PCDHA4: variants seen among roughly 807,000 people sequenced by gnomAD.
The protein encoded by PCDHA4 is protocadherin alpha-4.
Under a neutral mutation model 61.4 loss-of-function variants are expected in PCDHA4, and 49 were observed. The observed-to-expected ratio is 0.80, with a 90% CI of 0.63 to 1.01. The LOEUF (loss-of-function observed/expected upper bound fraction) is 1.01, where lower values mean the gene tolerates loss of function less well. PCDHA4 is among the 50% of genes least tolerant of loss of function. The pLI is 0.00. For missense variants in PCDHA4, 1,254 were observed against 1,235.8 expected, an observed-to-expected ratio of 1.01 and a Z score of -0.22; for synonymous variants, 590 against 550.3, an observed-to-expected ratio of 1.07 and a Z score of -1.01.
chr5:140,824,252 A>G (rs2150133638), intron 1 of PCDHA4: 1 of 1,373,244 alleles, frequency 7.3e-7, no homozygotes, highest in South Asian at 1.3e-5. Context: ...GTACACAATT[A>G]TTGCACTAAT....
chr5:140,998,195 A>C (rs1409926168), intron 3 of PCDHA4, among the ~76,000 whole-genome samples: 6 of 152,164 alleles, frequency 3.9e-5, no homozygotes, highest in African/African-American at 1.2e-4. Flanking sequence ...ACAAGTATTA[A>C]CTCCTTTAAT....
chr5:140,997,046 T>C (rs2097756944), intron 3 of PCDHA4, among the ~76,000 whole-genome samples: 1 of 152,176 alleles, frequency 6.6e-6, no homozygotes, highest in Admixed American at 6.5e-5. Flanking sequence ...AACTTTACTT[T>C]TTAGAGCAGT....
In PCDHA4 at chr5:140,830,600, A is replaced by G. The variant is rs1227931663; in HGVS notation, c.2385+21028A>G. ...TTTTTAATTAATTTTACAAAATTAC[A>G]TATTTTCATTTTATTGTGTTTCTTA... is the stretch of plus-strand genomic sequence containing the variant. On this transcript the variant is annotated intron_variant, in intron 1 of 3. Coordinates refer to ENST00000530339, the MANE Select transcript of PCDHA4 (RefSeq NM_018907.4). 1.8e-5 allele frequency: 12 copies of G among 670,896 alleles called. 1 individual carries two copies. Among genetic ancestry groups the G allele is most frequent in the East Asian group, 1.4e-4 (4 of 29,586 alleles). The allele number at this position is 670,896 out of a possible 1,614,324, so 41.6% of individuals were successfully genotyped here. A position where few individuals can be genotyped will look rare whatever the true frequency, so the allele number is the denominator to read the frequency against.
At chr5:140,880,173 C>T (rs2058257400) in intron 1 of PCDHA4, among the ~76,000 whole-genome samples, 1 of 152,006 alleles carries the variant, frequency 6.6e-6, no homozygotes, top group Non-Finnish European at 1.5e-5. Context: ...AGAAGTTAAA[C>T]ATGAAGGGAA....
chr5:140,990,621 G>A (rs75224471), intron 3 of PCDHA4, among the ~76,000 whole-genome samples: 1,861 of 152,288 alleles, frequency 0.012, 44 homozygotes, highest in African/African-American at 0.043. Context: ...GTAAAGGTCT[G>A]TGGTAAGACT....
chr5:140,882,918 G>A (rs1554176085), intron 1 of PCDHA4: 1 of 1,614,186 alleles, frequency 6.2e-7, no homozygotes, highest in South Asian at 1.1e-5. Context: ...GCCAGTGATG[G>A]AGGTAAACCC....
At chr5:140,925,383 T>C (rs1554202722) in intron 1 of PCDHA4, among the ~76,000 whole-genome samples, 2 of 152,140 alleles carry the variant, frequency 1.3e-5, no homozygotes, top group African/African-American at 2.4e-5. Flanking sequence ...TCAATGAGTC[T>C]CCTTTTGGCT....
At chr5:140,907,430 T>G (rs1554192988) in intron 1 of PCDHA4, among the ~76,000 whole-genome samples, 1 of 152,244 alleles carries the variant, frequency 6.6e-6, no homozygotes, top group Non-Finnish European at 1.5e-5. Context: ...TAAGGCATTC[T>G]GTGAGTCCAC....
chr5:140,936,760 T>G (rs2091134702), intron 1 of PCDHA4, among the ~76,000 whole-genome samples: 1 of 152,220 alleles, frequency 6.6e-6, no homozygotes, highest in African/African-American at 2.4e-5. Context: ...TGATATCTAA[T>G]TGTGTAAGTT....
At chr5:140,895,875 G>A (rs1277056649) in intron 1 of PCDHA4, among the ~76,000 whole-genome samples, 5 of 152,060 alleles carry the variant, frequency 3.3e-5, no homozygotes, top group African/African-American at 7.2e-5. Context: ...GCAATGGCGC[G>A]ATCTCGGCTC....
rs148102793 is a variant in PCDHA4 at position 140,873,087 on chromosome 5, G to A, written c.2385+63515G>A. Among the ~76,000 whole-genome samples, 818 of 152,138 alleles carry A rather than the reference G, an allele frequency of 5.4e-3. 4 individuals carry two copies. Among genetic ancestry groups the A allele is most frequent in the Middle Eastern group, 0.014 (4 of 294 alleles). On this transcript the variant is annotated intron_variant, in intron 1 of 3. Coordinates refer to ENST00000530339, the MANE Select transcript of PCDHA4 (RefSeq NM_018907.4). ...AATCATATCTAGCTATTTCCCCCCC[G>A]TATAGAGGCATAACATACCATTTGG...
In PCDHA4 at chr5:140,967,564, A is replaced by G. The variant is rs1554229677; in HGVS notation, c.2386-11385A>G. Reference sequence around the variant, plus strand: ...ACCAGTCCACTTATCGCGTCCAGCTACGGGAGGACTCACCCCCAGGCACAT... The same window carrying G: ...ACCAGTCCACTTATCGCGTCCAGCTGCGGGAGGACTCACCCCCAGGCACAT... On this transcript the variant is annotated intron_variant, in intron 1 of 3. Coordinates refer to ENST00000530339, the MANE Select transcript of PCDHA4 (RefSeq NM_018907.4). 10 of 1,614,070 alleles carry G rather than the reference A, an allele frequency of 6.2e-6. No individual in the cohort carries two copies. The Middle Eastern group carries it at 4.9e-4, about 80-fold the overall frequency.
intron 1 of PCDHA4, among the ~76,000 whole-genome samples, chr5:140,950,403 A>C (rs2094477208): frequency 6.6e-6 from 1 of 151,818 alleles, no homozygotes; most frequent in Admixed American, 6.6e-5. Flanking sequence ...ATTCTGGGGG[A>C]TTGACAGATT....
At chr5:140,903,616 T>C (rs1053634742) in intron 1 of PCDHA4, among the ~76,000 whole-genome samples, 72 of 152,338 alleles carry the variant, frequency 4.7e-4, no homozygotes, top group African/African-American at 1.7e-3. Context: ...CACATGAATG[T>C]GCATGCATAT....
At chr5:140,915,753 G>A (rs1196952771) in intron 1 of PCDHA4, among the ~76,000 whole-genome samples, 1 of 151,952 alleles carries the variant, frequency 6.6e-6, no homozygotes, top group Non-Finnish European at 1.5e-5. Context: ...AGCCAGCACA[G>A]CCCTGGGTCT....
intron 3 of PCDHA4, among the ~76,000 whole-genome samples, chr5:140,992,876 A>G (rs1370116402): frequency 6.6e-6 from 1 of 152,178 alleles, no homozygotes; most frequent in Admixed American, 6.5e-5. Flanking sequence ...CCTCCTTGAT[A>G]TTCTAAACAA....
chr5:140,981,691 T>C (rs1370541525), intron 2 of PCDHA4, among the ~76,000 whole-genome samples: 1 of 150,826 alleles, frequency 6.6e-6, no homozygotes, highest in East Asian at 2.1e-4. Flanking sequence ...CCTTCCATCA[T>C]TCATTCATTC....
At chr5:140,867,456 T>G (rs1035822606) in intron 1 of PCDHA4, 8 of 152,272 alleles carry the variant, frequency 5.3e-5, no homozygotes, top group African/African-American at 1.9e-4. Context: ...AGAGTTCTAG[T>G]GTTATGACAA....
chr5:140,948,403 T>A (rs2153683270), intron 1 of PCDHA4, among the ~76,000 whole-genome samples: 1 of 151,756 alleles, frequency 6.6e-6, no homozygotes, highest in Non-Finnish European at 1.5e-5. Context: ...GGTTGTGTAA[T>A]ATTGGTGTTA....
Sources: gnomAD v4.1 joint callset for allele counts (sites outside exome capture counted in the v4.1 genomes callset) on GRCh38, gnomAD v4.1.1 for gene constraint, MANE v1.5 for transcripts, NCBI Gene and HGNC (gene_info 2026-07-23, HGNC 2026-07-21) for gene names.